Variants in CLCN3 observed in about 807,000 individuals in gnomAD.
CLCN3 encodes the protein Cl-/H+ antiporter 3.
CLCN3 carries 16 observed loss-of-function variants against 83.4 expected under a neutral mutation model. The observed-to-expected ratio is 0.19, with a 90% CI of 0.13 to 0.29. CLCN3 has a LOEUF of 0.29. Among genes scored for constraint, CLCN3 ranks in the 10% least tolerant of loss-of-function variants. CLCN3 has a pLI of 1.00. For synonymous variants in CLCN3, 322 were observed against 346.2 expected, an observed-to-expected ratio of 0.93 and a Z score of 0.78; for missense variants, 544 against 1,006.0, an observed-to-expected ratio of 0.54 and a Z score of 6.21.
intron 2 of CLCN3, among the ~76,000 whole-genome samples, chr4:169,640,402 A>G (rs1367583952): frequency 2.0e-5 from 3 of 152,208 alleles, no homozygotes; most frequent in Non-Finnish European, 2.9e-5. Flanking sequence ...GAAAGTAACT[A>G]TGTGTACTTA....
chr4:169,638,876 A>C (rs1730320137), intron 2 of CLCN3, among the ~76,000 whole-genome samples: 1 of 152,240 alleles, frequency 6.6e-6, no homozygotes, highest in Admixed American at 6.5e-5. Context: ...GCCCACCCCA[A>C]GACTGATAAC....
chr4:169,626,144 G>A (rs72694729), intron 1 of CLCN3, among the ~76,000 whole-genome samples: 11,333 of 152,200 alleles, frequency 0.074, 474 homozygotes, highest in African/African-American at 0.12. Flanking sequence ...TACGTCCTTG[G>A]GTTCAATTAA....
chr4:169,712,526 C>G (rs1338151745), intron 11 of CLCN3, among the ~76,000 whole-genome samples: 1 of 152,208 alleles, frequency 6.6e-6, no homozygotes, highest in East Asian at 1.9e-4. Context: ...ATTGTACTTT[C>G]ATCTCATCTG....
Position 169,720,156 on chromosome 4 carries a change from T to C in CLCN3, c.*159T>C. ...TTTTTGCAACATGGTTTGCAAATAATGCTGGTGGAATGGAGGAGTTGTTTG... is the reference window on the plus strand; with the variant it reads ...TTTTTGCAACATGGTTTGCAAATAACGCTGGTGGAATGGAGGAGTTGTTTG... On this transcript the variant is annotated 3_prime_UTR_variant, in exon 13 of 13. Coordinates refer to ENST00000513761, the MANE Select transcript of CLCN3 (RefSeq NM_001829.4). The C allele has an allele frequency of 9.3e-7, 1 of 1,078,230 alleles. No homozygotes were observed. Among genetic ancestry groups the C allele is most frequent in the South Asian group, 1.6e-5 (1 of 62,708 alleles). 66.8% of individuals were successfully genotyped at this position (1,078,230 alleles called of 1,614,324 possible).
chr4:169,697,482 T>C lies in CLCN3; in HGVS notation c.1311T>C (p.Ile437=), dbSNP rs1328402154. ...PVLEVIIVAA[I]TAVIAFPNPY... ...TGGAAGTCATTATTGTTGCAGCCAT[T>C]ACTGCTGTGATAGCCTTCCCTAATC... Residue 437 remains isoleucine (I), a synonymous_variant, in exon 9 of 13, where the codon ATT becomes ATC. Coordinates refer to ENST00000513761, the MANE Select transcript of CLCN3 (RefSeq NM_001829.4). 1.9e-6 allele frequency: 3 copies of C among 1,614,106 alleles called. No homozygotes were observed. The African/African-American group carries it at 4.0e-5, about 22-fold the overall frequency.
chr4:169,630,243 G>C (rs1157761216), intron 1 of CLCN3, among the ~76,000 whole-genome samples: 1 of 152,178 alleles, frequency 6.6e-6, no homozygotes, highest in Non-Finnish European at 1.5e-5. Flanking sequence ...CAGGAAGTGG[G>C]TATAGTGCTC....
chr4:169,678,461 C>T (rs939041618), intron 2 of CLCN3, among the ~76,000 whole-genome samples: 3 of 151,758 alleles, frequency 2.0e-5, no homozygotes, highest in Admixed American at 6.6e-5. Flanking sequence ...GGGTGTTTCT[C>T]GGAGAGGGGG....
chr4:169,712,055 G>T (rs1460760051), intron 11 of CLCN3, among the ~76,000 whole-genome samples: 2 of 142,170 alleles, frequency 1.4e-5, no homozygotes, highest in African/African-American at 5.3e-5. Flanking sequence ...TAGAAGCAAG[G>T]TTTCCCTATG....
At chr4:169,711,466 C>T (rs1043007673) in intron 11 of CLCN3, among the ~76,000 whole-genome samples, 2 of 152,144 alleles carry the variant, frequency 1.3e-5, no homozygotes, top group African/African-American at 2.4e-5. Context: ...TGGGTTCAAG[C>T]GATTCTCCTG....
chr4:169,720,127 C>T lies in CLCN3; in HGVS notation c.*130C>T, dbSNP rs752421231. 8.4e-6 allele frequency: 12 copies of T among 1,422,088 alleles called. No individual in the cohort carries two copies. The highest frequency in any genetic ancestry group is 2.2e-5 in the Admixed American group (1 of 45,492). The allele number at this position is 1,422,088 out of a possible 1,614,324, so 88.1% of individuals were successfully genotyped here. A position where few individuals can be genotyped will look rare whatever the true frequency, so the allele number is the denominator to read the frequency against. On this transcript the variant is annotated 3_prime_UTR_variant, in exon 13 of 13. Transcript: ENST00000513761. ...AAAAAAAGAAAGGAAATATAAAAGC[C>T]GGGTTTTTGCAACATGGTTTGCAAA...
chr4:169,693,168 G>C (rs988298654), intron 7 of CLCN3, among the ~76,000 whole-genome samples: 6 of 152,118 alleles, frequency 3.9e-5, no homozygotes, highest in African/African-American at 1.2e-4. Context: ...CAAAAAAGTA[G>C]AATATTTTAT....
chr4:169,719,864 T>G, intron 12 of CLCN3, 43 bp from the exon 13 acceptor site: 1 of 1,516,384 alleles, frequency 6.6e-7, no homozygotes, highest in Non-Finnish European at 9.0e-7. Flanking sequence ...CTCCTTTTAT[T>G]TTCCCTTTTA....
chr4:169,710,937 C>T (rs1352263009), intron 11 of CLCN3, among the ~76,000 whole-genome samples: 2 of 152,128 alleles, frequency 1.3e-5, no homozygotes, highest in Non-Finnish European at 2.9e-5. Flanking sequence ...TCAGCAATCC[C>T]CTCCTCAACC....
At chr4:169,694,637 G>A (rs1181367970) in intron 7 of CLCN3, among the ~76,000 whole-genome samples, 4 of 152,126 alleles carry the variant, frequency 2.6e-5, no homozygotes, top group South Asian at 4.1e-4. Context: ...TCAGGAATTC[G>A]AGACCAGTGT....
At chr4:169,699,334 T>C (rs1485071772) in intron 9 of CLCN3, among the ~76,000 whole-genome samples, 1 of 152,226 alleles carries the variant, frequency 6.6e-6, no homozygotes, top group Non-Finnish European at 1.5e-5. Context: ...TAATGGTCTA[T>C]CAGTAAATAT....
In CLCN3 at chr4:169,646,683, T is replaced by C. The variant is rs535525988; in HGVS notation, c.160+10595T>C. Among the ~76,000 whole-genome samples, 15 of 152,288 alleles carry C rather than the reference T, an allele frequency of 9.8e-5. No homozygotes were observed. In the South Asian group the frequency reaches 3.1e-3, roughly 32 times the overall value. ...TGGGTTATTCAGTAGAGTAGCAGGA[T>C]ATAAGCCACTTATCTATATTGTTAA... On this transcript the variant is annotated intron_variant, in intron 2 of 12. Transcript: ENST00000513761.
intron 3 of CLCN3, chr4:169,680,553 A>T (rs1481790931): frequency 5.4e-6 from 1 of 186,026 alleles, no homozygotes; most frequent in African/African-American, 2.4e-5. Context: ...TGAGCAGCCC[A>T]CCAGCTAAGG....
intron 7 of CLCN3, among the ~76,000 whole-genome samples, chr4:169,693,867 C>T (rs1732461846): frequency 6.6e-6 from 1 of 152,132 alleles, no homozygotes; most frequent in South Asian, 2.1e-4. Context: ...TATTCTGTCA[C>T]CTTAGTGTAT....
rs866591769 is a variant in CLCN3 at position 169,698,298 on chromosome 4, A to G, written c.1563+564A>G. Among the ~76,000 whole-genome samples the G allele has an allele frequency of 3.3e-5, 5 of 152,198 alleles. No homozygotes were observed. The South Asian group carries it at 1.0e-3, about 31-fold the overall frequency. On this transcript the variant is annotated intron_variant, in intron 9 of 12. Coordinates refer to ENST00000513761, the MANE Select transcript of CLCN3 (RefSeq NM_001829.4). ...ACAATTAAATTATTGAATATAGTTCAAAGACTTCTTCATTCATGACTAGCA... is the reference window on the plus strand; with the variant it reads ...ACAATTAAATTATTGAATATAGTTCGAAGACTTCTTCATTCATGACTAGCA...
Sources: allele counts gnomAD v4.1 joint callset (sites outside exome capture counted in the v4.1 genomes callset), GRCh38; gene constraint gnomAD v4.1.1; transcripts MANE v1.5; gene names NCBI Gene and HGNC (gene_info 2026-07-23, HGNC 2026-07-21).